Variants in PSMF1 observed in about 807,000 individuals in gnomAD.
The protein encoded by PSMF1 is proteasome inhibitor PI31 subunit.
Under a neutral mutation model 29.3 loss-of-function variants are expected in PSMF1, and 30 were observed. That is an observed-to-expected ratio of 1.02 (90% CI 0.77 to 1.39). PSMF1 has a LOEUF of 1.39. Ranked by LOEUF, PSMF1 falls within the 40% of genes most tolerant of loss-of-function variation. The pLI is 0.00. For synonymous variants in PSMF1, 134 were observed against 139.7 expected, an observed-to-expected ratio of 0.96 and a Z score of 0.29; for missense variants, 344 against 357.5, an observed-to-expected ratio of 0.96 and a Z score of 0.31.
chr20:1,115,908 T>C (rs1311864312), upstream of PSMF1, among the ~76,000 whole-genome samples: 1 of 151,878 alleles, frequency 6.6e-6, no homozygotes, highest in African/African-American at 2.4e-5. Flanking sequence ...AATTTTTGTA[T>C]TTTTAGTAGA....
upstream of PSMF1, among the ~76,000 whole-genome samples, chr20:1,114,524 G>T (rs928004738): frequency 6.7e-6 from 1 of 149,090 alleles, no homozygotes; most frequent in Admixed American, 6.7e-5. Context: ...TGGGGGTGAC[G>T]GAGCTGTCTG....
chr20:1,152,396 G>C (rs1388012188), intron 4 of PSMF1, among the ~76,000 whole-genome samples: 1 of 152,136 alleles, frequency 6.6e-6, no homozygotes, highest in African/African-American at 2.4e-5. Flanking sequence ...AGTTTGGCTT[G>C]GATTGCTCCA....
intron 4 of PSMF1, among the ~76,000 whole-genome samples, chr20:1,139,318 C>T (rs1011444263): frequency 3.3e-4 from 50 of 152,182 alleles, no homozygotes; most frequent in African/African-American, 1.2e-3. Context: ...AGATCCGGAA[C>T]AAGGCAAGCA....
Position 1,163,669 on chromosome 20 carries a change from A to G in PSMF1, c.605+486A>G, listed in dbSNP as rs993797286. ...GCTACAAAGTGACCCCGACTTCAGC[A>G]TCTCATTTGTAGACAGTGGGGATAT... On this transcript the variant is annotated intron_variant, in intron 5 of 6. Transcript: ENST00000335877. This position sits in a 1 kb window ranked among gnomAD's most constrained non-coding sequence, Gnocchi z 6.1. Among the ~76,000 whole-genome samples the G allele has an allele frequency of 2.0e-5, 3 of 152,250 alleles. No individual in the cohort carries two copies. Among genetic ancestry groups the G allele is most frequent in the African/African-American group, 7.2e-5 (3 of 41,466 alleles).
At chr20:1,148,043 T>C (rs1047720497) in intron 4 of PSMF1, among the ~76,000 whole-genome samples, 2 of 152,214 alleles carry the variant, frequency 1.3e-5, no homozygotes, top group African/African-American at 4.8e-5. Flanking sequence ...AACACTCTTG[T>C]TTTGCCTCTC....
chr20:1,113,445 A>AACACACACACAC (rs58779664), intron 1 of PSMF1: 8,806 of 114,382 alleles, frequency 0.077, 510 homozygotes, highest in East Asian at 0.13. Context: ...GATCAGGGGC[A>AACACACACACAC]ACACACACAC....
chr20:1,160,600 C>A, intron 4 of PSMF1: 1 of 494,992 alleles, frequency 2.0e-6, no homozygotes. Context: ...GAAGAGATCA[C>A]CATACTCGTC....
intron 4 of PSMF1, among the ~76,000 whole-genome samples, chr20:1,140,235 G>A (rs1295294987): frequency 6.6e-6 from 1 of 152,200 alleles, no homozygotes; most frequent in East Asian, 1.9e-4. Flanking sequence ...GGACCGTGTG[G>A]CACTGGCATT....
At position 1,164,797 on chromosome 20, in the gene PSMF1, G is replaced by A. The variant is rs746116293; in HGVS notation, c.765-232G>A. Among the ~76,000 whole-genome samples the A allele has an allele frequency of 1.3e-5, 2 of 152,154 alleles. No homozygotes were observed. Among genetic ancestry groups the A allele is most frequent in the Non-Finnish European group, 2.9e-5 (2 of 68,030 alleles). The stretch of plus-strand genomic sequence containing the variant: ...TCAGCAGTCTTGGGTAGATGGTGGC[G>A]TCTACATTTTATAGATGCAGAAAAT... On this transcript the variant is annotated intron_variant, in intron 6 of 6. Transcript: ENST00000335877. This position sits in a 1 kb window ranked among gnomAD's most constrained non-coding sequence, Gnocchi z 4.1.
At chr20:1,135,953 G>A (rs1038659943) in intron 4 of PSMF1, among the ~76,000 whole-genome samples, 3 of 152,224 alleles carry the variant, frequency 2.0e-5, no homozygotes, top group Non-Finnish European at 2.9e-5. Context: ...AGCCCGTACT[G>A]TGATACCATA....
chr20:1,159,381 G>A (rs551938235), intron 4 of PSMF1, among the ~76,000 whole-genome samples: 15 of 151,914 alleles, frequency 9.9e-5, no homozygotes, highest in African/African-American at 1.7e-4. Flanking sequence ...GGCTGGTCTC[G>A]AACTCCTGGC....
intron 4 of PSMF1, among the ~76,000 whole-genome samples, chr20:1,135,948 G>A (rs942832728): frequency 6.6e-6 from 1 of 152,174 alleles, no homozygotes; most frequent in Admixed American, 6.5e-5. Context: ...TTTGGAGCCC[G>A]TACTGTGATA....
Position 1,170,494 on chromosome 20 carries a change from A to G in PSMF1, c.*5414A>G, listed in dbSNP as rs536268382. Among the ~76,000 whole-genome samples, 1 of 152,258 alleles carries G rather than the reference A, an allele frequency of 6.6e-6. No individual in the cohort carries two copies. Among genetic ancestry groups the G allele is most frequent in the African/African-American group, 2.4e-5 (1 of 41,536 alleles). ...AAAATGCAGCACCTTTATAGCATAC[A>G]TTATATCTTCAAACCATAACCATAA... On this transcript the variant is annotated 3_prime_UTR_variant, in exon 7 of 7. Transcript: ENST00000335877.
chr20:1,115,686 C>T (rs2086003841), upstream of PSMF1, among the ~76,000 whole-genome samples: 1 of 151,692 alleles, frequency 6.6e-6, no homozygotes, highest in Non-Finnish European at 1.5e-5. Flanking sequence ...TCCACCATGC[C>T]TTTGCACATA....
intron 1 of PSMF1, among the ~76,000 whole-genome samples, chr20:1,119,827 C>T (rs1270351380): frequency 6.6e-6 from 1 of 152,216 alleles, no homozygotes; most frequent in Non-Finnish European, 1.5e-5. Context: ...CTGCCCCTCA[C>T]TGTCACTGTT....
chr20:1,141,954 C>T (rs1316705170), intron 4 of PSMF1, among the ~76,000 whole-genome samples: 1 of 152,224 alleles, frequency 6.6e-6, no homozygotes, highest in African/African-American at 2.4e-5. Context: ...CACAATGGCT[C>T]ACGCCTGTAA....
At chr20:1,143,559 C>T (rs1419520616) in intron 4 of PSMF1, among the ~76,000 whole-genome samples, 1 of 152,202 alleles carries the variant, frequency 6.6e-6, no homozygotes, top group Admixed American at 6.5e-5. Flanking sequence ...TCTTCAGTGT[C>T]TCAGGCTTGG....
intron 1 of PSMF1, among the ~76,000 whole-genome samples, chr20:1,122,160 CCTT>C (rs989456615): frequency 6.6e-6 from 1 of 152,184 alleles, no homozygotes; most frequent in Non-Finnish European, 1.5e-5. Flanking sequence ...CTGGGAAAAA[CCTT>C]CTCTAGCCAT....
intron 4 of PSMF1, among the ~76,000 whole-genome samples, chr20:1,156,756 G>GA: frequency 6.6e-6 from 1 of 152,186 alleles, no homozygotes; most frequent in East Asian, 1.9e-4. Context: ...TTCTCAAAAG[G>GA]AGTTTTAAAA....
Sources: allele counts gnomAD v4.1 joint callset (sites outside exome capture counted in the v4.1 genomes callset), GRCh38; gene constraint gnomAD v4.1.1; non-coding constraint Gnocchi (gnomAD v3.1); transcripts MANE v1.5; gene names NCBI Gene and HGNC (gene_info 2026-07-23, HGNC 2026-07-21).